CR1L: variants seen among roughly 807,000 people sequenced by gnomAD.
The protein encoded by CR1L is complement component receptor 1-like protein.
Under a neutral mutation model 62.3 loss-of-function variants are expected in CR1L, and 59 were observed. That is an observed-to-expected ratio of 0.95 (90% CI 0.77 to 1.18). CR1L has a LOEUF of 1.18. CR1L is among the 50% of genes most tolerant of loss of function. The pLI is 0.00. For synonymous variants in CR1L, 279 were observed against 248.7 expected (o/e 1.12, Z -1.15); for missense variants, 700 against 702.8 (o/e 1.00, Z 0.04).
intron 1 of CR1L, chr1:207,669,445 A>G: frequency 1.5e-6 from 2 of 1,365,692 alleles, no homozygotes; most frequent in Non-Finnish European, 2.1e-6. Context: ...CTTCGGGAGG[A>G]TGGGGGTCTC....
intron 1 of CR1L, among the ~76,000 whole-genome samples, chr1:207,667,512 C>T (rs967800183): frequency 6.6e-6 from 1 of 152,182 alleles, no homozygotes; most frequent in African/African-American, 2.4e-5. Flanking sequence ...ATACTCTTTC[C>T]ATCTCAATAT....
At chr1:207,648,197 ACAC>A (rs1663163528) in intron 1 of CR1L, among the ~76,000 whole-genome samples, 2 of 107,968 alleles carry the variant, frequency 1.9e-5, no homozygotes, top group Admixed American at 8.4e-5. Flanking sequence ...ACACACACAC[ACAC>A]ACACAGACAC....
At chr1:207,688,615 G>T (rs1273805312) in intron 4 of CR1L, among the ~76,000 whole-genome samples, 1 of 151,180 alleles carries the variant, frequency 6.6e-6, no homozygotes, top group East Asian at 1.9e-4. Context: ...TCCACAAAAA[G>T]AATCCTACTT....
intron 9 of CR1L, among the ~76,000 whole-genome samples, chr1:207,703,103 C>G (rs1286776345): frequency 1.3e-5 from 2 of 152,126 alleles, no homozygotes; most frequent in African/African-American, 4.8e-5. Flanking sequence ...CATAAAGGTG[C>G]AAGGTGAAGC....
rs1049816786 is a variant in CR1L, at chr1:207,717,485, C to T, written c.1436C>T (p.Pro479Leu). The change falls in exon 11 of 12, where the codon CCA (proline) becomes CTA (leucine). Residue 479 changes from proline (P) to leucine (L), a missense_variant. By Grantham distance (98) the Pro-to-Leu change is moderately conservative. Coordinates refer to ENST00000508064, the MANE Select transcript of CR1L (RefSeq NM_175710.2). ...CTAGAAATCTTTTGTCCAAATCCTC[C>T]AGCTATCCTTAATGGGAGACACACA... ...ICQQIFCPNP[P>L]AILNGRHTGT... 6 of 1,613,444 alleles carry T rather than the reference C, an allele frequency of 3.7e-6. No individual in the cohort carries two copies. The African/African-American group carries it at 4.0e-5, about 11-fold the overall frequency.
At chr1:207,703,477 T>C (rs1225148123) in intron 9 of CR1L, among the ~76,000 whole-genome samples, 1 of 152,232 alleles carries the variant, frequency 6.6e-6, no homozygotes, top group Non-Finnish European at 1.5e-5. Flanking sequence ...AGGCTCACTG[T>C]TGAGATATAG....
intron 1 of CR1L, among the ~76,000 whole-genome samples, chr1:207,667,714 C>T (rs1034451410): frequency 6.6e-6 from 1 of 151,240 alleles, no homozygotes; most frequent in Non-Finnish European, 1.5e-5. Flanking sequence ...GCAAAGGAAA[C>T]AACAGAGTGA....
At chr1:207,681,597 C>T (rs2102460582) in intron 3 of CR1L, among the ~76,000 whole-genome samples, 1 of 152,222 alleles carries the variant, frequency 6.6e-6, no homozygotes, top group East Asian at 1.9e-4. Flanking sequence ...TATCCTTTGA[C>T]TCATATTTAA....
intron 1 of CR1L, among the ~76,000 whole-genome samples, chr1:207,676,940 G>A (rs766854655): frequency 6.6e-5 from 10 of 152,202 alleles, no homozygotes; most frequent in Non-Finnish European, 1.2e-4. Flanking sequence ...ACAGACATGA[G>A]CCACCACACC....
At chr1:207,656,315 G>T (rs1663310285) in intron 1 of CR1L, among the ~76,000 whole-genome samples, 1 of 152,164 alleles carries the variant, frequency 6.6e-6, no homozygotes, top group Admixed American at 6.5e-5. Flanking sequence ...TATTTTGGTG[G>T]TATTGTGAAT....
At chr1:207,691,291 C>T (rs1208752133) in intron 4 of CR1L, among the ~76,000 whole-genome samples, 2 of 151,948 alleles carry the variant, frequency 1.3e-5, no homozygotes, top group Non-Finnish European at 2.9e-5. Context: ...CTACTTTGTA[C>T]ATTAATATAG....
At chr1:207,719,804 G>T (rs999600420) in intron 11 of CR1L, among the ~76,000 whole-genome samples, 23 of 152,038 alleles carry the variant, frequency 1.5e-4, no homozygotes, top group African/African-American at 5.6e-4. Flanking sequence ...TATTCTTATT[G>T]TCTCATTTTA....
intron 1 of CR1L, among the ~76,000 whole-genome samples, chr1:207,654,662 C>T (rs1663277992): frequency 6.6e-6 from 1 of 152,170 alleles, no homozygotes; most frequent in African/African-American, 2.4e-5. Context: ...TCGTGTAGCA[C>T]TCACTATGTG....
intron 11 of CR1L, among the ~76,000 whole-genome samples, chr1:207,721,840 C>T (rs1389753396): frequency 7.0e-6 from 1 of 141,972 alleles, no homozygotes; most frequent in Non-Finnish European, 1.5e-5. Flanking sequence ...TCTCCACATC[C>T]TCTCCAGCAC....
intron 1 of CR1L, chr1:207,657,048 C>T (rs3945829): frequency 1.0e-5 from 6 of 578,420 alleles, no homozygotes; most frequent in Admixed American, 3.0e-5. Flanking sequence ...TTGACAAATT[C>T]ACTGAAGACA....
chr1:207,714,430 A>T (rs1190922833), intron 10 of CR1L, among the ~76,000 whole-genome samples: 1 of 152,182 alleles, frequency 6.6e-6, no homozygotes, highest in Non-Finnish European at 1.5e-5. Flanking sequence ...CCATGGATTT[A>T]CCTGGAACTT....
At chr1:207,681,809 T>C (rs762251936) in intron 3 of CR1L, among the ~76,000 whole-genome samples, 6 of 152,162 alleles carry the variant, frequency 3.9e-5, no homozygotes, top group Non-Finnish European at 7.4e-5. Flanking sequence ...GGTACAAATA[T>C]AGGATTGCAG....
intron 1 of CR1L, among the ~76,000 whole-genome samples, chr1:207,653,996 T>G (rs1413335728): frequency 6.6e-6 from 1 of 152,186 alleles, no homozygotes; most frequent in Admixed American, 6.5e-5. Flanking sequence ...GGGCTCTCGC[T>G]TTATAACAAC....
intron 1 of CR1L, among the ~76,000 whole-genome samples, chr1:207,648,948 T>C (rs775785575): frequency 4.0e-5 from 6 of 151,114 alleles, no homozygotes; most frequent in Non-Finnish European, 8.8e-5. Context: ...TTGACAGCAG[T>C]GGACTTTGAG....
Sources: gnomAD v4.1 joint callset for allele counts (sites outside exome capture counted in the v4.1 genomes callset) on GRCh38, gnomAD v4.1.1 for gene constraint, MANE v1.5 for transcripts, NCBI Gene and HGNC (gene_info 2026-07-23, HGNC 2026-07-21) for gene names.